Variants in NCOA1 observed in about 807,000 individuals in gnomAD.
The protein encoded by NCOA1 is nuclear receptor coactivator 1, also known as Hin-2 protein.
A neutral mutation model predicts 150.9 loss-of-function variants in NCOA1; 35 were observed. The ratio of observed to expected loss-of-function variants is 0.23; its 90% CI spans 0.18 to 0.31. NCOA1 has a LOEUF of 0.31. Ranked by LOEUF, NCOA1 falls within the 10% of genes least tolerant of loss-of-function variation. The probability of loss-of-function intolerance (pLI) is 1.00; values close to 1 mark genes in which losing one functional copy is unlikely to be tolerated. For synonymous variants in NCOA1, 590 were observed against 630.0 expected, an observed-to-expected ratio of 0.94 and a Z score of 0.95; for missense variants, 1,491 against 1,749.3, an observed-to-expected ratio of 0.85 and a Z score of 2.63.
chr2:24,623,962 CAG>C (rs1355869005), intron 3 of NCOA1, among the ~76,000 whole-genome samples: 3 of 152,190 alleles, frequency 2.0e-5, no homozygotes, highest in Non-Finnish European at 4.4e-5. Context: ...CAGTCTATAA[CAG>C]AGCCCCTAAG....
At chr2:24,501,991 A>G (rs561478425) in intron 1 of NCOA1, among the ~76,000 whole-genome samples, 8 of 152,306 alleles carry the variant, frequency 5.3e-5, no homozygotes, top group Admixed American at 2.6e-4. Context: ...CCACTTTGCA[A>G]CAGATGTGAT....
At chr2:24,731,088 A>G (rs1662988754) in intron 17 of NCOA1, among the ~76,000 whole-genome samples, 3 of 151,474 alleles carry the variant, frequency 2.0e-5, no homozygotes, top group African/African-American at 7.3e-5. Context: ...TGAGCTGTAG[A>G]TTGTTGCTGC....
At chr2:24,666,327 T>C (rs140369939) in intron 6 of NCOA1, among the ~76,000 whole-genome samples, 120 of 152,242 alleles carry the variant, frequency 7.9e-4, no homozygotes, top group African/African-American at 2.6e-3. Context: ...TTTTTTATTA[T>C]TAAAAAATTA....
Position 24,705,069 on chromosome 2 carries a change from T to G in NCOA1, c.950-17T>G. On this transcript the variant is annotated splice_polypyrimidine_tract_variant and intron_variant, in intron 11 of 22. Transcript: ENST00000348332. Reference sequence around the variant, plus strand: ...AGTATCAGAATTTTAACTAGGTTTCTCTTCTGTTTGAAACAGTGATGACTC... The same window carrying G: ...AGTATCAGAATTTTAACTAGGTTTCGCTTCTGTTTGAAACAGTGATGACTC... 1 of 1,606,886 alleles carries G rather than the reference T, an allele frequency of 6.2e-7. No individual in the cohort carries two copies. The highest frequency in any genetic ancestry group is 8.5e-7 in the Non-Finnish European group (1 of 1,175,990).
chr2:24,607,400 G>A (rs1668418254), intron 3 of NCOA1, among the ~76,000 whole-genome samples: 1 of 147,036 alleles, frequency 6.8e-6, no homozygotes, highest in African/African-American at 2.5e-5. Context: ...GATCAAGAGT[G>A]AGATTGGCTG....
intron 1 of NCOA1, among the ~76,000 whole-genome samples, chr2:24,495,750 G>T (rs1663179957): frequency 6.6e-6 from 1 of 152,164 alleles, no homozygotes; most frequent in South Asian, 2.1e-4. Context: ...ACAGACAGAG[G>T]TGTCCTAGCT....
intron 1 of NCOA1, among the ~76,000 whole-genome samples, chr2:24,548,690 A>G (rs1376882357): frequency 6.6e-6 from 1 of 152,184 alleles, no homozygotes; most frequent in Non-Finnish European, 1.5e-5. Flanking sequence ...GCCAAAACAA[A>G]GGGGCTACAG....
intron 17 of NCOA1, among the ~76,000 whole-genome samples, chr2:24,731,567 G>C (rs1663012389): frequency 6.6e-6 from 1 of 151,950 alleles, no homozygotes; most frequent in South Asian, 2.1e-4. Flanking sequence ...GAGAAAAGGA[G>C]AACTAAGAAA....
chr2:24,520,778 T>C (rs1454346102), intron 1 of NCOA1, among the ~76,000 whole-genome samples: 2 of 152,248 alleles, frequency 1.3e-5, no homozygotes, highest in African/African-American at 4.8e-5. Flanking sequence ...AAAGCTGTTA[T>C]AAGTATAACA....
chr2:24,677,932 C>T (rs1671993966), intron 7 of NCOA1, among the ~76,000 whole-genome samples: 3 of 151,960 alleles, frequency 2.0e-5, no homozygotes, highest in South Asian at 4.1e-4. Context: ...AGGTTTGTTA[C>T]ATAGCTAAAT....
intron 1 of NCOA1, among the ~76,000 whole-genome samples, chr2:24,515,789 T>A (rs1664137291): frequency 6.6e-6 from 1 of 152,206 alleles, no homozygotes; most frequent in African/African-American, 2.4e-5. Context: ...CGTAATACTA[T>A]CCCTAAACAA....
chr2:24,750,985 TTTTC>T (rs1330454246), intron 19 of NCOA1, among the ~76,000 whole-genome samples: 1 of 150,512 alleles, frequency 6.6e-6, no homozygotes, highest in African/African-American at 2.4e-5. Flanking sequence ...ATACATGGCT[TTTTC>T]TTTTTCTTTT....
chr2:24,718,364 G>A (rs2148618935), intron 14 of NCOA1, among the ~76,000 whole-genome samples: 1 of 152,220 alleles, frequency 6.6e-6, no homozygotes, highest in Non-Finnish European at 1.5e-5. Context: ...ATTGCTAATG[G>A]CATGTAAAGT....
At chr2:24,627,129 T>TTTG (rs1669456423) in intron 3 of NCOA1, among the ~76,000 whole-genome samples, 1 of 148,930 alleles carries the variant, frequency 6.7e-6, no homozygotes, top group Admixed American at 6.7e-5. Flanking sequence ...CTGTTTTTTT[T>TTTG]TTTTTTTTTT....
At chr2:24,639,722 A>G (rs1670092523) in intron 3 of NCOA1, among the ~76,000 whole-genome samples, 1 of 151,362 alleles carries the variant, frequency 6.6e-6, no homozygotes, top group African/African-American at 2.4e-5. Flanking sequence ...CCCCATCTCT[A>G]CTAAAAATAC....
Position 24,739,385 on chromosome 2 carries a change from T to C in NCOA1, c.3202-47T>C, listed in dbSNP as rs1286982049. 3 of 1,360,446 alleles carry C rather than the reference T, an allele frequency of 2.2e-6. No individual in the cohort carries two copies. The South Asian group carries it at 3.5e-5, about 16-fold the overall frequency. 84.3% of individuals were successfully genotyped at this position (1,360,446 alleles called of 1,614,324 possible). A position where few individuals can be genotyped will look rare whatever the true frequency, so the allele number is the denominator to read the frequency against. On this transcript the variant is annotated intron_variant, in intron 17 of 22. Coordinates refer to ENST00000348332, the MANE Select transcript of NCOA1 (RefSeq NM_003743.5). Reference sequence around the variant, plus strand: ...TTGTGTTACTTTATAAGGCCCGTGTTATGCTTGTGTGTAGAAATATATCTT... The same window carrying C: ...TTGTGTTACTTTATAAGGCCCGTGTCATGCTTGTGTGTAGAAATATATCTT...
intron 2 of NCOA1, among the ~76,000 whole-genome samples, chr2:24,578,203 G>A (rs1407487139): frequency 6.6e-6 from 1 of 152,132 alleles, no homozygotes; most frequent in Non-Finnish European, 1.5e-5. Flanking sequence ...CAGTGAGCAA[G>A]CATAAAATCT....
chr2:24,685,096 T>G (rs987418290), intron 8 of NCOA1, among the ~76,000 whole-genome samples: 2 of 151,478 alleles, frequency 1.3e-5, no homozygotes, highest in Admixed American at 1.3e-4. Flanking sequence ...GGATCATTAT[T>G]TATATATATA....
chr2:24,762,811 A>G, intron 22 of NCOA1, 35 bp downstream of exon 22: 1 of 1,563,044 alleles, frequency 6.4e-7, no homozygotes, highest in Non-Finnish European at 8.8e-7. Context: ...GAGCTGTCAA[A>G]TGTACTCTAG....
Sources: gnomAD v4.1 joint callset for allele counts (sites outside exome capture counted in the v4.1 genomes callset) on GRCh38, gnomAD v4.1.1 for gene constraint, MANE v1.5 for transcripts, NCBI Gene and HGNC (gene_info 2026-07-23, HGNC 2026-07-21) for gene names.